AHCYL2: variants seen among roughly 807,000 people sequenced by gnomAD.
AHCYL2 encodes the protein S-adenosylhomocysteine hydrolase-like protein 2.
Under a neutral mutation model 81.4 loss-of-function variants are expected in AHCYL2, and 28 were observed. The observed-to-expected ratio is 0.34, with a 90% CI of 0.25 to 0.47. The LOEUF (loss-of-function observed/expected upper bound fraction) is 0.47, where lower values mean the gene tolerates loss of function less well. Ranked by LOEUF, AHCYL2 falls within the 20% of genes least tolerant of loss-of-function variation. The probability of loss-of-function intolerance (pLI) is 1.00; values close to 1 mark genes in which losing one functional copy is unlikely to be tolerated. For missense variants in AHCYL2, 551 were observed against 785.1 expected (o/e 0.70, Z 3.56); for synonymous variants, 272 against 290.2 (o/e 0.94, Z 0.64).
chr7:129,334,204 A>C (rs1798516125), intron 1 of AHCYL2, among the ~76,000 whole-genome samples: 1 of 152,218 alleles, frequency 6.6e-6, no homozygotes, highest in African/African-American at 2.4e-5. Flanking sequence ...AGTATATAGA[A>C]AACAAATGAA....
chr7:129,336,055 TC>T (rs59777249), intron 1 of AHCYL2, among the ~76,000 whole-genome samples: 6,451 of 140,820 alleles, frequency 0.046, 552 homozygotes, highest in African/African-American at 0.17. Context: ...TCTTCTTTTC[TC>T]TTCTCTTTTC....
intron 1 of AHCYL2, among the ~76,000 whole-genome samples, chr7:129,322,109 TTGTGTGTGTG>T (rs72103588): frequency 6.9e-6 from 1 of 145,112 alleles, no homozygotes; most frequent in Non-Finnish European, 1.5e-5. Flanking sequence ...GGGCCAGGTT[TTGTGTGTGTG>T]TGTGTGTGTG....
At chr7:129,360,102 A>G (rs916973116) in intron 1 of AHCYL2, among the ~76,000 whole-genome samples, 2 of 142,678 alleles carry the variant, frequency 1.4e-5, no homozygotes, top group South Asian at 2.2e-4. Flanking sequence ...CTAGCTAGCT[A>G]TTTTTTTTTA....
chr7:129,327,528 G>A lies in AHCYL2; in HGVS notation c.364-52110G>A, dbSNP rs537358544. On this transcript the variant is annotated intron_variant, in intron 1 of 16. Coordinates refer to ENST00000325006, the MANE Select transcript of AHCYL2 (RefSeq NM_015328.4). The stretch of plus-strand genomic sequence containing the variant: ...GTCACCCAGGCTGGAGTGCAGTGGC[G>A]CGATCTTGGCTTACTGCAACCTCTG... Among the ~76,000 whole-genome samples, 17 of 152,012 alleles carry A rather than the reference G, an allele frequency of 1.1e-4. No individual in the cohort carries two copies. The South Asian group carries it at 2.1e-3, about 19-fold the overall frequency.
intron 1 of AHCYL2, among the ~76,000 whole-genome samples, chr7:129,275,717 T>C (rs1796178007): frequency 6.6e-6 from 1 of 151,990 alleles, no homozygotes; most frequent in African/African-American, 2.4e-5. Context: ...ATAGATAGAA[T>C]ACAAAATATG....
intron 5 of AHCYL2, 33 bp downstream of exon 5, chr7:129,397,357 G>A (rs771721610): frequency 1.3e-6 from 2 of 1,595,576 alleles, no homozygotes; most frequent in African/African-American, 2.7e-5. Flanking sequence ...TTTGGCTAAA[G>A]TAAGTCTATT....
In AHCYL2 at chr7:129,368,206, G is replaced by A. The variant is rs1794197266; in HGVS notation, c.364-11432G>A. 1 of 1,255,932 alleles carries A rather than the reference G, an allele frequency of 8.0e-7. No individual in the cohort carries two copies. The highest frequency in any genetic ancestry group is 3.8e-5 in the Admixed American group (1 of 26,528). The allele number at this position is 1,255,932 out of a possible 1,614,324, so 77.8% of individuals were successfully genotyped here. A position where few individuals can be genotyped will look rare whatever the true frequency, so the allele number is the denominator to read the frequency against. On this transcript the variant is annotated intron_variant, in intron 1 of 16. Transcript: ENST00000325006. This position sits in a 1 kb window ranked among gnomAD's most constrained non-coding sequence, Gnocchi z 4.4. The stretch of plus-strand genomic sequence containing the variant: ...TGTTTGGGTAGCATTAAAACAGTGA[G>A]TGCCCTGTGAGAAGCACAGTGCCTG...
intron 1 of AHCYL2, among the ~76,000 whole-genome samples, chr7:129,316,323 C>T (rs1258032019): frequency 6.6e-6 from 1 of 152,134 alleles, no homozygotes; most frequent in African/African-American, 2.4e-5. Flanking sequence ...GAGACACTCC[C>T]AAATATTTGA....
intron 1 of AHCYL2, among the ~76,000 whole-genome samples, chr7:129,240,187 C>G (rs1297933913): frequency 6.6e-6 from 1 of 151,834 alleles, no homozygotes. Context: ...TGCACTCCAG[C>G]CTGGGCAACA....
At position 129,368,903 on chromosome 7, in the gene AHCYL2, A is replaced by T. The variant is rs889657639; in HGVS notation, c.364-10735A>T. Reference sequence around the variant, plus strand: ...ATGCTTCATTTGTTTCTCTGGGGGTAAAGAAAAAGAACAATGAGGAGAAAA... The same window carrying T: ...ATGCTTCATTTGTTTCTCTGGGGGTTAAGAAAAAGAACAATGAGGAGAAAA... On this transcript the variant is annotated intron_variant, in intron 1 of 16. Coordinates refer to ENST00000325006, the MANE Select transcript of AHCYL2 (RefSeq NM_015328.4). This position sits in a 1 kb window ranked among gnomAD's most constrained non-coding sequence, Gnocchi z 4.4. Among the ~76,000 whole-genome samples the T allele has an allele frequency of 6.6e-6, 1 of 152,186 alleles. No homozygotes were observed. Among genetic ancestry groups the T allele is most frequent in the African/African-American group, 2.4e-5 (1 of 41,450 alleles).
chr7:129,338,197 C>G (rs915544741), intron 1 of AHCYL2, among the ~76,000 whole-genome samples: 1 of 151,568 alleles, frequency 6.6e-6, no homozygotes, highest in African/African-American at 2.4e-5. Context: ...GGGTCTTGCT[C>G]TGTCACTCAG....
Position 129,405,818 on chromosome 7 carries a change from T to C in AHCYL2, c.1143-18T>C, listed in dbSNP as rs750278167. 8.0e-5 allele frequency: 128 copies of C among 1,592,530 alleles called. 2 individuals are homozygous for C. The South Asian group carries it at 1.4e-3, about 17-fold the overall frequency. ...ACAAGAGAAGATTTTTCTGATTTAA[T>C]GTTTTTTTTTCCCCTAGACTTAAAA... is the stretch of plus-strand genomic sequence containing the variant. On this transcript the variant is annotated intron_variant, in intron 8 of 16. Coordinates refer to ENST00000325006, the MANE Select transcript of AHCYL2 (RefSeq NM_015328.4).
intron 1 of AHCYL2, among the ~76,000 whole-genome samples, chr7:129,296,880 A>T (rs1455962211): frequency 6.6e-6 from 1 of 152,254 alleles, no homozygotes; most frequent in African/African-American, 2.4e-5. Flanking sequence ...GATACTAGGT[A>T]GTTTAAAACA....
At chr7:129,389,402 A>G (rs80057305) in intron 3 of AHCYL2, among the ~76,000 whole-genome samples, 1 of 148,466 alleles carries the variant, frequency 6.7e-6, no homozygotes, top group Admixed American at 6.7e-5. Context: ...AAAAAAAAAA[A>G]GGGAGAGAGA....
intron 1 of AHCYL2, among the ~76,000 whole-genome samples, chr7:129,245,650 A>C (rs1042351836): frequency 3.9e-5 from 6 of 152,170 alleles, no homozygotes; most frequent in Non-Finnish European, 8.8e-5. Flanking sequence ...AATATCTTCA[A>C]GGTTCATCCA....
intron 1 of AHCYL2, among the ~76,000 whole-genome samples, chr7:129,291,598 GTCTTTTTTTTT>G (rs1423861286): frequency 1.5e-4 from 22 of 146,488 alleles, no homozygotes; most frequent in Non-Finnish European, 3.0e-4. Context: ...TTGCCACAAA[GTCTTTTTTTTT>G]TCTTTTTTTT....
At chr7:129,351,066 T>G (rs768968455) in intron 1 of AHCYL2, among the ~76,000 whole-genome samples, 3 of 152,164 alleles carry the variant, frequency 2.0e-5, no homozygotes, top group Admixed American at 6.5e-5. Flanking sequence ...TAGCATAAAT[T>G]TTATTTTATT....
intron 1 of AHCYL2, among the ~76,000 whole-genome samples, chr7:129,246,360 G>T (rs1043443434): frequency 6.6e-6 from 1 of 152,128 alleles, no homozygotes; most frequent in Admixed American, 6.5e-5. Flanking sequence ...ACCCTGCCAA[G>T]TATGTAGAAT....
chr7:129,312,969 C>G (rs907862760), intron 1 of AHCYL2, among the ~76,000 whole-genome samples: 2 of 152,174 alleles, frequency 1.3e-5, no homozygotes, highest in African/African-American at 4.8e-5. Context: ...TCTGCACTTG[C>G]TACTTTTTAC....
Sources: allele counts gnomAD v4.1 joint callset (sites outside exome capture counted in the v4.1 genomes callset), GRCh38; gene constraint gnomAD v4.1.1; non-coding constraint Gnocchi (gnomAD v3.1); transcripts MANE v1.5; gene names NCBI Gene and HGNC (gene_info 2026-07-23, HGNC 2026-07-21).